The following CPNE8 variants were observed in gnomAD, a reference collection of about 807,000 sequenced individuals.
CPNE8 encodes copine 8, also known as copine-8.
In CPNE8, 45 loss-of-function variants were observed where a neutral mutation model predicts 81.5. The observed-to-expected ratio is 0.55, with a 90% CI of 0.44 to 0.71. CPNE8 has a LOEUF of 0.71. Among genes scored for constraint, CPNE8 ranks in the 30% least tolerant of loss-of-function variants. The pLI is 0.00. For synonymous variants in CPNE8, 252 were observed against 226.3 expected (o/e 1.11, Z -1.02); for missense variants, 594 against 672.1 (o/e 0.88, Z 1.28).
At position 38,861,756 on chromosome 12, in the gene CPNE8, A is replaced by C. The variant is rs887255471; in HGVS notation, c.186+11248T>G. 5.3e-5 allele frequency among the ~76,000 whole-genome samples: 8 copies of C among 152,198 alleles called. No homozygotes were observed. In the South Asian group the frequency reaches 6.2e-4, roughly 12 times the overall value. The stretch of plus-strand genomic sequence containing the variant: ...ATAAAGGACACAAATTGTTATCAAC[A>C]TGCAAGAACTAGGGAAATACTGTTC... On this transcript the variant is annotated intron_variant, in intron 3 of 19. Coordinates refer to ENST00000331366, the MANE Select transcript of CPNE8 (RefSeq NM_153634.3).
At chr12:38,856,545 A>G (rs1410632992) in intron 3 of CPNE8, among the ~76,000 whole-genome samples, 4 of 152,142 alleles carry the variant, frequency 2.6e-5, no homozygotes, top group South Asian at 2.1e-4. Context: ...GGTGTCATCA[A>G]CTAATGGCAT....
intron 3 of CPNE8, among the ~76,000 whole-genome samples, chr12:38,859,529 A>G (rs1943798421): frequency 6.6e-6 from 1 of 152,160 alleles, no homozygotes; most frequent in Non-Finnish European, 1.5e-5. Context: ...GAATGCAATA[A>G]TTATCAAAAT....
At chr12:38,842,677 G>A (rs563412722) in intron 4 of CPNE8, among the ~76,000 whole-genome samples, 56 of 147,556 alleles carry the variant, frequency 3.8e-4, no homozygotes, top group African/African-American at 1.3e-3. Context: ...CCCGGTCCAA[G>A]TGATTCTCCT....
At chr12:38,857,820 C>T (rs1943768895) in intron 3 of CPNE8, among the ~76,000 whole-genome samples, 1 of 152,088 alleles carries the variant, frequency 6.6e-6, no homozygotes, top group Non-Finnish European at 1.5e-5. Context: ...TGCTTGAACC[C>T]AGGAGGCGGA....
chr12:38,693,525 A>C (rs1457091010), intron 15 of CPNE8, 132 bp downstream of exon 15: 4 of 735,908 alleles, frequency 5.4e-6, no homozygotes, highest in Non-Finnish European at 8.6e-6. Context: ...CTCCAAAGTC[A>C]ATTACTTACC....
rs190063277 is a variant in CPNE8, at chr12:38,832,207, C to A, written c.331-2752G>T. On this transcript the variant is annotated intron_variant, in intron 5 of 19. Coordinates refer to ENST00000331366, the MANE Select transcript of CPNE8 (RefSeq NM_153634.3). ...GTTTGATAAACCCCTGAATTAAAAA[C>A]ACCTGAGTGCTAGGTAATGAGGACG... is the stretch of plus-strand genomic sequence containing the variant. 9.4e-3 allele frequency among the ~76,000 whole-genome samples: 1,424 copies of A among 152,298 alleles called. 20 individuals are homozygous for A. The highest frequency in any genetic ancestry group is 0.04 in the South Asian group (191 of 4,824).
chr12:38,653,916 G>C lies in CPNE8; in HGVS notation c.1661C>G (p.Thr554Ser), dbSNP rs776044407. 2 of 1,613,500 alleles carry C rather than the reference G, an allele frequency of 1.2e-6. No individual in the cohort carries two copies. The highest frequency in any genetic ancestry group is 2.2e-5 in the South Asian group (2 of 91,010). The change falls in exon 20 of 20, where the codon ACC becomes AGC. Residue 554 changes from threonine to serine, a missense_variant. By Grantham distance (58) the Thr-to-Ser change is moderately conservative. Transcript: ENST00000331366. Reference protein sequence around the residue: ...IKPSPAPPPYTPPTHVLQTQI With the variant: ...IKPSPAPPPYSPPTHVLQTQI ...AGTCTGTAACACATGTGTAGGTGGG[G>C]TGTATGGGGGAGGCGCAGGTGATGG...
chr12:38,782,473 T>C (rs1020630205), intron 6 of CPNE8, among the ~76,000 whole-genome samples: 1 of 152,130 alleles, frequency 6.6e-6, no homozygotes, highest in African/African-American at 2.4e-5. Flanking sequence ...AGAATATTCT[T>C]ATTAAGAAAT....
rs1250626486 is a variant in CPNE8 at position 38,829,417 on chromosome 12, GA to G, written c.368del (p.Ile123ThrfsTer13). On this transcript the variant is annotated frameshift_variant, in exon 6 of 20. Transcript: ENST00000331366. LOFTEE classifies it high-confidence loss of function. ...LGQVFCTLGE[I>X]VGSQGSRLEK... ...CCAGGCGACTTCCCTGTGAACCAACGATCTCTCCCAATGTACAAAACACTTG... is the reference window on the plus strand; with the variant it reads ...CCAGGCGACTTCCCTGTGAACCAACGTCTCTCCCAATGTACAAAACACTTG... 3 of 1,613,132 alleles carry G rather than the reference GA, an allele frequency of 1.9e-6. No individual in the cohort carries two copies. The highest frequency in any genetic ancestry group is 1.7e-6 in the Non-Finnish European group (2 of 1,179,246).
chr12:38,733,468 C>T (rs1684407), intron 10 of CPNE8, among the ~76,000 whole-genome samples: 83,491 of 151,300 alleles, frequency 0.55, 23,543 homozygotes, highest in East Asian at 0.81. Flanking sequence ...TACAGAGAAA[C>T]GTGACGAAAA....
chr12:38,709,484 T>G (rs1304674262), intron 13 of CPNE8, among the ~76,000 whole-genome samples: 1 of 152,216 alleles, frequency 6.6e-6, no homozygotes, highest in Admixed American at 6.5e-5. Flanking sequence ...TCACTCATGA[T>G]TCACGTGATC....
At chr12:38,836,628 A>G (rs1010028134) in intron 5 of CPNE8, among the ~76,000 whole-genome samples, 1 of 152,196 alleles carries the variant, frequency 6.6e-6, no homozygotes, top group Non-Finnish European at 1.5e-5. Context: ...CCTTTATGCC[A>G]CATGCAACCT....
At position 38,863,828 on chromosome 12, in the gene CPNE8, G is replaced by C. The variant is rs547341529; in HGVS notation, c.186+9176C>G. Reference sequence around the variant, plus strand: ...AGCACTTTGGGAGGCCGAGGCGGGCGGATCACAAGGTCGGAGATCGAGACC... The same window carrying C: ...AGCACTTTGGGAGGCCGAGGCGGGCCGATCACAAGGTCGGAGATCGAGACC... On this transcript the variant is annotated intron_variant, in intron 3 of 19. Coordinates refer to ENST00000331366, the MANE Select transcript of CPNE8 (RefSeq NM_153634.3). Among the ~76,000 whole-genome samples, 5 of 152,132 alleles carry C rather than the reference G, an allele frequency of 3.3e-5. No individual in the cohort carries two copies. The South Asian group carries it at 6.2e-4, about 19-fold the overall frequency.
At chr12:38,790,974 C>A (rs988764138) in intron 6 of CPNE8, among the ~76,000 whole-genome samples, 2 of 151,616 alleles carry the variant, frequency 1.3e-5, no homozygotes, top group Non-Finnish European at 3.0e-5. Flanking sequence ...TGCTTCAATT[C>A]CTGAAGTTTT....
intron 13 of CPNE8, among the ~76,000 whole-genome samples, chr12:38,718,049 A>T (rs1428049403): frequency 6.6e-6 from 1 of 152,120 alleles, no homozygotes; most frequent in Non-Finnish European, 1.5e-5. Flanking sequence ...TTAAAAAAAA[A>T]AAGCTAAGTT....
At chr12:38,860,885 T>A (rs1167656699) in intron 3 of CPNE8, among the ~76,000 whole-genome samples, 3 of 152,162 alleles carry the variant, frequency 2.0e-5, no homozygotes, top group Admixed American at 2.0e-4. Flanking sequence ...GTATTAAGTT[T>A]CAGTTACGAA....
At chr12:38,851,629 G>A (rs572781762) in intron 3 of CPNE8, among the ~76,000 whole-genome samples, 1 of 152,220 alleles carries the variant, frequency 6.6e-6, no homozygotes, top group East Asian at 1.9e-4. Context: ...TCTACCCAAA[G>A]GGCCTCCTAA....
intron 10 of CPNE8, among the ~76,000 whole-genome samples, chr12:38,753,339 C>T (rs1319056826): frequency 6.6e-6 from 1 of 152,070 alleles, no homozygotes; most frequent in African/African-American, 2.4e-5. Context: ...GTAATCCCAG[C>T]GACTCAGGAG....
intron 1 of CPNE8, among the ~76,000 whole-genome samples, chr12:38,883,938 C>T (rs753318600): frequency 1.4e-4 from 21 of 152,294 alleles, no homozygotes; most frequent in African/African-American, 4.1e-4. Flanking sequence ...CCTAGGCCTA[C>T]GGCACCACTC....
Sources: allele counts gnomAD v4.1 joint callset (sites outside exome capture counted in the v4.1 genomes callset), GRCh38; gene constraint gnomAD v4.1.1; transcripts MANE v1.5; gene names NCBI Gene and HGNC (gene_info 2026-07-23, HGNC 2026-07-21).